FHIT: variants seen among roughly 807,000 people sequenced by gnomAD.
FHIT encodes the protein fragile histidine triad diadenosine triphosphatase, also known as bis(5'-adenosyl)-triphosphatase.
In FHIT, 19 loss-of-function variants were observed where a neutral mutation model predicts 17.9. The observed-to-expected ratio is 1.06, with a 90% CI of 0.74 to 1.56. The LOEUF (loss-of-function observed/expected upper bound fraction) is 1.56. Ranked by LOEUF, FHIT falls within the 40% of genes most tolerant of loss-of-function variation. The probability of loss-of-function intolerance (pLI) is 0.00; values close to 1 mark genes in which losing one functional copy is unlikely to be tolerated. For missense variants in FHIT, 248 were observed against 189.2 expected (o/e 1.31, Z -1.82); for synonymous variants, 81 against 69.7 (o/e 1.16, Z -0.81).
intron 5 of FHIT, among the ~76,000 whole-genome samples, chr3:60,469,070 T>C (rs753081601): frequency 3.0e-4 from 45 of 152,202 alleles, no homozygotes; most frequent in Non-Finnish European, 5.3e-4. Flanking sequence ...ATTTCTTTTC[T>C]CTTGCTGCTT....
Position 60,159,137 on chromosome 3 carries a change from T to C in FHIT, c.104-144985A>G, listed in dbSNP as rs953347922. Among the ~76,000 whole-genome samples, 4 of 152,258 alleles carry C rather than the reference T, an allele frequency of 2.6e-5. No individual in the cohort carries two copies. The South Asian group carries it at 6.2e-4, about 24-fold the overall frequency. On this transcript the variant is annotated intron_variant, in intron 5 of 9. Transcript: ENST00000492590. Reference sequence around the variant, plus strand: ...CTGTATATGTTTGAGGGGAGGGGGTTTGAAAGAGGGTCTCACTTTGTTGCC... The same window carrying C: ...CTGTATATGTTTGAGGGGAGGGGGTCTGAAAGAGGGTCTCACTTTGTTGCC...
chr3:60,545,898 G>A (rs1056131152), intron 4 of FHIT, among the ~76,000 whole-genome samples: 2 of 152,094 alleles, frequency 1.3e-5, no homozygotes, highest in African/African-American at 4.8e-5. Flanking sequence ...TTTCTGAGAG[G>A]ACTGTTTTAA....
At chr3:61,071,838 G>T (rs1254011985) in intron 2 of FHIT, among the ~76,000 whole-genome samples, 1 of 152,136 alleles carries the variant, frequency 6.6e-6, no homozygotes, top group East Asian at 1.9e-4. Context: ...AGATAGTGAA[G>T]TTATGGGGGA....
chr3:60,657,384 A>G (rs1442990045), intron 4 of FHIT, among the ~76,000 whole-genome samples: 1 of 152,184 alleles, frequency 6.6e-6, no homozygotes, highest in Non-Finnish European at 1.5e-5. Flanking sequence ...CCCCCTTGGG[A>G]AACACTGACC....
At chr3:60,963,896 A>G (rs1251370119) in intron 3 of FHIT, among the ~76,000 whole-genome samples, 1 of 152,218 alleles carries the variant, frequency 6.6e-6, no homozygotes, top group Non-Finnish European at 1.5e-5. Context: ...GCTGAGAAGA[A>G]TGTATCTTCT....
At chr3:61,053,724 T>C (rs11922889) in intron 2 of FHIT, among the ~76,000 whole-genome samples, 6,986 of 152,164 alleles carry the variant, frequency 0.046, 547 homozygotes, top group African/African-American at 0.16. Context: ...ATAGCTCATA[T>C]GGCCTTGGTA....
intron 4 of FHIT, among the ~76,000 whole-genome samples, chr3:60,698,883 A>G (rs1255376108): frequency 6.6e-6 from 1 of 152,222 alleles, no homozygotes; most frequent in African/African-American, 2.4e-5. Flanking sequence ...TATAAAAAAT[A>G]ATCTATTAGC....
intron 2 of FHIT, among the ~76,000 whole-genome samples, chr3:61,099,025 TG>T (rs2035734430): frequency 6.6e-6 from 1 of 152,216 alleles, no homozygotes; most frequent in African/African-American, 2.4e-5. Flanking sequence ...CTTCCAGCTT[TG>T]CCCATTTAGT....
intron 5 of FHIT, among the ~76,000 whole-genome samples, chr3:60,243,611 T>A (rs1705243391): frequency 6.6e-6 from 1 of 152,120 alleles, no homozygotes; most frequent in Admixed American, 6.6e-5. Context: ...AGGCAACGGC[T>A]CTTATTTAAT....
chr3:60,319,462 A>AT (rs1454515186), intron 5 of FHIT, among the ~76,000 whole-genome samples: 2 of 152,094 alleles, frequency 1.3e-5, no homozygotes. Context: ...AAAAAAAAAA[A>AT]CAACGAACAG....
chr3:60,339,920 A>G (rs573840633), intron 5 of FHIT, among the ~76,000 whole-genome samples: 1 of 152,284 alleles, frequency 6.6e-6, no homozygotes, highest in South Asian at 2.1e-4. Flanking sequence ...CTTTATTTCC[A>G]AAAGAGGAGA....
intron 3 of FHIT, among the ~76,000 whole-genome samples, chr3:60,994,652 G>A (rs562637458): frequency 7.9e-5 from 12 of 152,292 alleles, no homozygotes; most frequent in South Asian, 2.1e-4. Flanking sequence ...TCTTGGCACC[G>A]GAGATGTTGA....
chr3:61,100,028 C>T (rs1576011945), intron 2 of FHIT, among the ~76,000 whole-genome samples: 1 of 151,890 alleles, frequency 6.6e-6, no homozygotes, highest in Non-Finnish European at 1.5e-5. Context: ...GTTTTGATTT[C>T]TATTTCCCTA....
In FHIT at chr3:59,749,205, A is replaced by C. The variant is rs1700748039; in HGVS notation, c.*380T>G. ...ATTTTTTTTGAAAAGGGAAGAAATA[A>C]GCAGGTGGACCAATCCAACGATTGA... On this transcript the variant is annotated 3_prime_UTR_variant, in exon 10 of 10. Transcript: ENST00000492590. 4.3e-6 allele frequency: 1 copy of C among 230,710 alleles called. No homozygotes were observed. Among genetic ancestry groups the C allele is most frequent in the East Asian group, 6.1e-5 (1 of 16,286 alleles). The allele number at this position is 230,710 out of a possible 1,614,324, so 14.3% of individuals were successfully genotyped here.
At chr3:60,396,958 G>T (rs1408462131) in intron 5 of FHIT, among the ~76,000 whole-genome samples, 1 of 152,092 alleles carries the variant, frequency 6.6e-6, no homozygotes, top group Non-Finnish European at 1.5e-5. Flanking sequence ...GGAGGATGTG[G>T]GAAGGGGCTT....
At chr3:60,504,232 G>A (rs193150946) in intron 5 of FHIT, among the ~76,000 whole-genome samples, 22 of 152,052 alleles carry the variant, frequency 1.4e-4, no homozygotes, top group African/African-American at 5.1e-4. Context: ...TCAGGAGATC[G>A]AGACCATCCT....
chr3:61,157,824 G>A (rs904397339), intron 2 of FHIT, among the ~76,000 whole-genome samples: 10 of 152,114 alleles, frequency 6.6e-5, no homozygotes, highest in Non-Finnish European at 1.2e-4. Context: ...AATGGCTATT[G>A]ATAGGAGTAC....
At chr3:59,887,269 T>C (rs1437608097) in intron 8 of FHIT, among the ~76,000 whole-genome samples, 2 of 152,172 alleles carry the variant, frequency 1.3e-5, no homozygotes, top group Non-Finnish European at 2.9e-5. Flanking sequence ...AGTGGAATCT[T>C]TCCCATGGCC....
At chr3:60,088,070 G>A (rs1703572903) in intron 5 of FHIT, among the ~76,000 whole-genome samples, 1 of 152,186 alleles carries the variant, frequency 6.6e-6, no homozygotes, top group Non-Finnish European at 1.5e-5. Flanking sequence ...GAAGATGAAA[G>A]GGAGCTTATG....
Sources: allele counts gnomAD v4.1 joint callset (sites outside exome capture counted in the v4.1 genomes callset), GRCh38; gene constraint gnomAD v4.1.1; transcripts MANE v1.5; gene names NCBI Gene and HGNC (gene_info 2026-07-23, HGNC 2026-07-21).